Variants in UBE2V1 observed in about 807,000 individuals in gnomAD.
The protein encoded by UBE2V1 is ubiquitin conjugating enzyme E2 V1.
A neutral mutation model predicts 19.6 loss-of-function variants in UBE2V1; 15 were observed. The observed-to-expected ratio is 0.77, with a 90% CI of 0.51 to 1.18. UBE2V1 has a LOEUF of 1.18. Among genes scored for constraint, UBE2V1 ranks in the 50% most tolerant of loss-of-function variants. The pLI, the probability that UBE2V1 is intolerant of heterozygous loss-of-function variation, is 0.00. For missense variants in UBE2V1, 125 were observed against 184.8 expected (o/e 0.68, Z 1.88); for synonymous variants, 60 against 60.7 (o/e 0.99, Z 0.05).
At chr20:50,084,009 AC>A in intron 3 of UBE2V1, 119 bp downstream of exon 3, 1 of 1,462,762 alleles carries the variant, frequency 6.8e-7, no homozygotes, top group East Asian at 2.3e-5. Context: ...GCACAGTGAT[AC>A]AGTTTATCAA....
At chr20:50,096,920 T>A in intron 1 of UBE2V1, 100 bp from the exon 2 acceptor site, 1 of 1,539,554 alleles carries the variant, frequency 6.5e-7, no homozygotes, top group Admixed American at 2.1e-5. Context: ...ATCAAGATGC[T>A]AACATGCAAA....
At chr20:50,084,427 T>C (rs1385832255) in intron 2 of UBE2V1, 173 bp from the exon 3 acceptor site, 4 of 1,189,776 alleles carry the variant, frequency 3.4e-6, no homozygotes, top group East Asian at 2.5e-5. Context: ...TACACTAGTT[T>C]ATATGACTTC....
intron 2 of UBE2V1, among the ~76,000 whole-genome samples, chr20:50,091,062 TTGAGA>T (rs2079189789): frequency 6.6e-6 from 1 of 152,174 alleles, no homozygotes; most frequent in African/African-American, 2.4e-5. Flanking sequence ...AAAATTTTTT[TTGAGA>T]CAAGAGTCTC....
chr20:50,113,992 A>T (rs1180472783), upstream of UBE2V1, among the ~76,000 whole-genome samples: 1 of 152,176 alleles, frequency 6.6e-6, no homozygotes, highest in African/African-American at 2.4e-5. Flanking sequence ...CCAAGACAAG[A>T]GCAGCAGAGG....
At chr20:50,107,568 A>G (rs2080469911) in intron 1 of UBE2V1, among the ~76,000 whole-genome samples, 1 of 152,216 alleles carries the variant, frequency 6.6e-6, no homozygotes, top group Admixed American at 6.5e-5. Flanking sequence ...ACCTCTATAA[A>G]TACCACCAAA....
At chr20:50,083,226 G>A (rs1314889463) in intron 3 of UBE2V1, among the ~76,000 whole-genome samples, 1 of 152,210 alleles carries the variant, frequency 6.6e-6, no homozygotes, top group Non-Finnish European at 1.5e-5. Flanking sequence ...CGGCTGCCGG[G>A]CTCAGGACCT....
chr20:50,100,547 T>C (rs980263067), intron 1 of UBE2V1, among the ~76,000 whole-genome samples: 3 of 151,688 alleles, frequency 2.0e-5, no homozygotes, highest in Non-Finnish European at 2.9e-5. Context: ...GTTGCACCAC[T>C]GCACTCCAGC....
chr20:50,106,874 CAA>C (rs57532245), intron 1 of UBE2V1, among the ~76,000 whole-genome samples: 21,407 of 124,698 alleles, frequency 0.17, 1,737 homozygotes, highest in Middle Eastern at 0.21. Flanking sequence ...ACAACAACAA[CAA>C]AAAAAAAAAA....
At chr20:50,105,461 G>T (rs947709150) in intron 1 of UBE2V1, among the ~76,000 whole-genome samples, 1 of 152,138 alleles carries the variant, frequency 6.6e-6, no homozygotes, top group African/African-American at 2.4e-5. Context: ...AAAATTAAAC[G>T]TACATATGCC....
At chr20:50,103,849 C>T (rs1363514185) in intron 1 of UBE2V1, among the ~76,000 whole-genome samples, 1 of 151,648 alleles carries the variant, frequency 6.6e-6, no homozygotes, top group East Asian at 1.9e-4. Context: ...ATTTGATTTT[C>T]TTCCTTTTTT....
intron 1 of UBE2V1, among the ~76,000 whole-genome samples, chr20:50,103,898 T>G (rs2080173524): frequency 6.6e-6 from 1 of 150,860 alleles, no homozygotes; most frequent in African/African-American, 2.4e-5. Context: ...AAGTCAGAGC[T>G]GTGACTCATT....
chr20:50,098,900 A>G, intron 1 of UBE2V1: 1 of 985,334 alleles, frequency 1.0e-6, no homozygotes, highest in Non-Finnish European at 1.2e-6. Flanking sequence ...CTTGTTTGGA[A>G]AACACTGGCA....
At chr20:50,098,911 T>A in intron 1 of UBE2V1, 2 of 985,390 alleles carry the variant, frequency 2.0e-6, no homozygotes, top group Non-Finnish European at 1.2e-6. Context: ...AACACTGGCA[T>A]TTTCATCTGC....
chr20:50,112,920 C>G (rs962555965), intron 1 of UBE2V1, among the ~76,000 whole-genome samples, 187 bp downstream of exon 1: 1 of 152,212 alleles, frequency 6.6e-6, no homozygotes, highest in Admixed American at 6.5e-5. Flanking sequence ...CCTCAGCCCC[C>G]CGCCCGTGCT....
intron 3 of UBE2V1, 106 bp from the exon 4 acceptor site, chr20:50,083,020 G>T: frequency 6.6e-7 from 1 of 1,505,460 alleles, no homozygotes; most frequent in Admixed American, 2.1e-5. Flanking sequence ...TACTTTTTAA[G>T]CTGAACCTGC....
At chr20:50,111,110 C>T (rs1226340181) in intron 1 of UBE2V1, among the ~76,000 whole-genome samples, 2 of 152,182 alleles carry the variant, frequency 1.3e-5, no homozygotes, top group Non-Finnish European at 1.5e-5. Context: ...CACGATGGGA[C>T]ATAATAGGCC....
At chr20:50,114,624 C>CA (rs1373905180), upstream of UBE2V1, among the ~76,000 whole-genome samples, 2 of 152,156 alleles carry the variant, frequency 1.3e-5, no homozygotes, top group African/African-American at 4.8e-5. Context: ...CAGGGCTCTC[C>CA]AGGGCAAAGC....
chr20:50,107,611 G>A (rs2080472999), intron 1 of UBE2V1, among the ~76,000 whole-genome samples: 1 of 152,192 alleles, frequency 6.6e-6, no homozygotes, highest in Non-Finnish European at 1.5e-5. Flanking sequence ...TTGAAAGGCT[G>A]AATAGCCACT....
intron 1 of UBE2V1, among the ~76,000 whole-genome samples, chr20:50,109,745 C>T: frequency 2.0e-5 from 1 of 49,192 alleles, no homozygotes; most frequent in East Asian, 7.1e-4. Context: ...GAAACTCCGT[C>T]TCAAAAAAAA....
Sources: allele counts gnomAD v4.1 joint callset (sites outside exome capture counted in the v4.1 genomes callset), GRCh38; gene constraint gnomAD v4.1.1; transcripts MANE v1.5; gene names NCBI Gene and HGNC (gene_info 2026-07-23, HGNC 2026-07-21).